Variants in PBRM1 observed in about 807,000 individuals in gnomAD.
The protein encoded by PBRM1 is protein polybromo-1.
Under a neutral mutation model 194.5 loss-of-function variants are expected in PBRM1, and 27 were observed. The ratio of observed to expected loss-of-function variants is 0.14; its 90% confidence interval spans 0.10 to 0.19. The LOEUF is 0.19. Among genes scored for constraint, PBRM1 ranks in the 10% least tolerant of loss-of-function variants. The pLI is 1.00. For synonymous variants in PBRM1, 655 were observed against 693.2 expected, an observed-to-expected ratio of 0.94 and a Z score of 0.87; for missense variants, 1,466 against 2,077.2, an observed-to-expected ratio of 0.71 and a Z score of 5.72.
intron 13 of PBRM1, among the ~76,000 whole-genome samples, chr3:52,620,871 T>G (rs188764740): frequency 5.3e-4 from 81 of 152,332 alleles, no homozygotes; most frequent in Admixed American, 1.8e-3. Flanking sequence ...GAGTCACTTA[T>G]GACCTTCTCT....
chr3:52,587,400 C>T, exon 19 of PBRM1: 1 of 1,610,408 alleles, frequency 6.2e-7, no homozygotes, highest in Non-Finnish European at 8.5e-7. Context: ...CTAACTGGAA[C>T]TTTGTTGTAA....
intron 18 of PBRM1, 30 bp downstream of exon 20, chr3:52,589,039 TA>T: frequency 1.3e-6 from 2 of 1,545,402 alleles, no homozygotes; most frequent in Non-Finnish European, 1.8e-6. Flanking sequence ...CATATCTCAC[TA>T]AACTGTCCTT....
intron 11 of PBRM1, among the ~76,000 whole-genome samples, chr3:52,630,355 T>A (rs540996272): frequency 1.3e-5 from 2 of 152,258 alleles, no homozygotes; most frequent in East Asian, 3.9e-4. Context: ...TAGATCTTCC[T>A]AGGGGTACAC....
At chr3:52,610,808 T>C (rs1020721188) in intron 15 of PBRM1, among the ~76,000 whole-genome samples, 14 of 152,164 alleles carry the variant, frequency 9.2e-5, no homozygotes, top group African/African-American at 3.1e-4. Flanking sequence ...AGTGTGGTGG[T>C]GGCGCCTGTA....
chr3:52,634,840 TA>T, intron 10 of PBRM1, 25 bp from the exon 12 acceptor site: 2 of 1,515,060 alleles, frequency 1.3e-6, no homozygotes, highest in Non-Finnish European at 1.8e-6. Context: ...AAAGTATTTA[TA>T]AAGGGACGAA....
At chr3:52,660,791 G>A (rs1353633641) in intron 4 of PBRM1, among the ~76,000 whole-genome samples, 2 of 152,108 alleles carry the variant, frequency 1.3e-5, no homozygotes, top group African/African-American at 4.8e-5. Flanking sequence ...GGGATTACAG[G>A]GGTGAGCCAC....
In PBRM1 at chr3:52,605,655, T is replaced by A. The variant is rs150955566; in HGVS notation, c.2568-1923A>T. Among the ~76,000 whole-genome samples the A allele has an allele frequency of 4.2e-3, 626 of 150,112 alleles. 8 individuals are homozygous for A. The highest frequency in any genetic ancestry group is 0.015 in the African/African-American group (591 of 40,582). On this transcript the variant is annotated intron_variant, in intron 16 of 29. Coordinates refer to ENST00000296302, the Ensembl canonical transcript of PBRM1. ...TTCGTTCTTGTTGCCCAGGCTGGAG[T>A]ACAGTGGTGCGGTCTCAGCTCATTG...
intron 6 of PBRM1, among the ~76,000 whole-genome samples, chr3:52,650,361 C>CAA (rs776692798): frequency 3.3e-3 from 117 of 35,236 alleles, no homozygotes; most frequent in African/African-American, 7.8e-3. Flanking sequence ...AAGACTGTCT[C>CAA]AAAAAAAAAA....
At chr3:52,623,581 G>A (rs2095350101) in intron 13 of PBRM1, among the ~76,000 whole-genome samples, 1 of 152,122 alleles carries the variant, frequency 6.6e-6, no homozygotes, top group Non-Finnish European at 1.5e-5. Flanking sequence ...AAGTCAATAG[G>A]TCAATAGGTC....
At chr3:52,553,272 G>A (rs2081401217) in intron 27 of PBRM1, among the ~76,000 whole-genome samples, 1 of 152,102 alleles carries the variant, frequency 6.6e-6, no homozygotes, top group South Asian at 2.1e-4. Context: ...TGCATATGAT[G>A]GCAATTAATA....
intron 10 of PBRM1, among the ~76,000 whole-genome samples, chr3:52,636,915 G>C (rs540813337): frequency 6.6e-6 from 1 of 151,182 alleles, no homozygotes; most frequent in South Asian, 2.1e-4. Flanking sequence ...ACCAGCCTCA[G>C]GTAATCCTAA....
intron 17 of PBRM1, among the ~76,000 whole-genome samples, chr3:52,592,442 C>A (rs889223222): frequency 6.6e-6 from 1 of 152,108 alleles, no homozygotes; most frequent in Non-Finnish European, 1.5e-5. Flanking sequence ...GTCTTTAGTT[C>A]TTTTTTATGT....
At chr3:52,581,413 G>A (rs2091142956) in intron 20 of PBRM1, among the ~76,000 whole-genome samples, 1 of 151,126 alleles carries the variant, frequency 6.6e-6, no homozygotes, top group East Asian at 2.0e-4. Context: ...GGGAAACTGA[G>A]ACACAAGAAT....
intron 17 of PBRM1, among the ~76,000 whole-genome samples, chr3:52,596,669 A>T (rs2093589841): frequency 6.6e-6 from 1 of 151,972 alleles, no homozygotes; most frequent in Non-Finnish European, 1.5e-5. Context: ...TGGGTGCCTC[A>T]GGACTGCCCA....
exon 17 of PBRM1, chr3:52,603,720 T>C: frequency 6.2e-7 from 1 of 1,606,756 alleles, no homozygotes; most frequent in Non-Finnish European, 8.5e-7. Flanking sequence ...CTTCATATAT[T>C]TCTGAATCTG....
rs1384621024 is a variant in PBRM1 at position 52,668,491 on chromosome 3, T to G, written c.384+7A>C. 1 of 1,582,500 alleles carries G rather than the reference T, an allele frequency of 6.3e-7. No individual in the cohort carries two copies. The highest frequency in any genetic ancestry group is 8.6e-7 in the Non-Finnish European group (1 of 1,167,044). ...TTGGTATCTTTCCAAATTTCATAAT[T>G]TCTTACCTTATAATAGGACTTTGCA... On this transcript the variant is annotated splice_region_variant and intron_variant, in intron 3 of 29. Coordinates refer to ENST00000296302, the Ensembl canonical transcript of PBRM1.
At chr3:52,651,151 C>T (rs1362554083) in intron 6 of PBRM1, among the ~76,000 whole-genome samples, 1 of 152,156 alleles carries the variant, frequency 6.6e-6, no homozygotes, top group Non-Finnish European at 1.5e-5. Context: ...AGCTAATACA[C>T]ATAAAGCACT....
At chr3:52,611,799 G>C (rs942338418) in intron 15 of PBRM1, among the ~76,000 whole-genome samples, 2 of 151,960 alleles carry the variant, frequency 1.3e-5, no homozygotes, top group Admixed American at 6.6e-5. Context: ...GTAAGACCCT[G>C]TCTCCACAAA....
At chr3:52,637,171 C>T (rs1212107671) in intron 10 of PBRM1, among the ~76,000 whole-genome samples, 8 of 152,086 alleles carry the variant, frequency 5.3e-5, no homozygotes, top group African/African-American at 1.4e-4. Flanking sequence ...CTACTGTAAG[C>T]GGCATCTTTT....
Sources: allele counts gnomAD v4.1 joint callset (sites outside exome capture counted in the v4.1 genomes callset), GRCh38; gene constraint gnomAD v4.1.1; transcripts MANE v1.5; gene names NCBI Gene and HGNC (gene_info 2026-07-23, HGNC 2026-07-21).